KCNQ2: variants seen among roughly 807,000 people sequenced by gnomAD.
The protein encoded by KCNQ2 is potassium voltage-gated channel subfamily KQT member 2.
A neutral mutation model predicts 84.8 loss-of-function variants in KCNQ2; 14 were observed. That is an observed-to-expected ratio of 0.17 (90% confidence interval 0.11 to 0.26). KCNQ2 has a LOEUF of 0.26. KCNQ2 is among the 10% of genes least tolerant of loss of function. The pLI is 1.00. For missense variants in KCNQ2, 788 were observed against 1,254.0 expected, an observed-to-expected ratio of 0.63 and a Z score of 5.61; for synonymous variants, 599 against 554.1, an observed-to-expected ratio of 1.08 and a Z score of -1.14.
At chr20:63,464,776 C>T (rs183163853) in intron 1 of KCNQ2, among the ~76,000 whole-genome samples, 74 of 152,306 alleles carry the variant, frequency 4.9e-4, no homozygotes, top group Admixed American at 2.0e-3. Flanking sequence ...CACATTGATC[C>T]GCATTCAAAC....
At chr20:63,468,380 C>T (rs2082132219) in intron 1 of KCNQ2, among the ~76,000 whole-genome samples, 1 of 152,216 alleles carries the variant, frequency 6.6e-6, no homozygotes, top group African/African-American at 2.4e-5. Flanking sequence ...CCTGCACTCA[C>T]CCCTCAAAGC....
intron 10 of KCNQ2, 109 bp from the exon 11 acceptor site, chr20:63,424,315 G>C (rs1390559451): frequency 7.7e-7 from 1 of 1,303,362 alleles, no homozygotes; most frequent in African/African-American, 1.5e-5. Flanking sequence ...TGCAGGGGAG[G>C]GGGGTCTCAG....
At position 63,460,553 on chromosome 20, in the gene KCNQ2, C is replaced by T. The variant is rs879295256; in HGVS notation, c.296+11615G>A. Reference sequence around the variant, plus strand: ...GCTCCAGTCCCTGGCCCCCTACAAACGTCCTAGTGAGTGCTCTCTCTCGGC... The same window carrying T: ...GCTCCAGTCCCTGGCCCCCTACAAATGTCCTAGTGAGTGCTCTCTCTCGGC... On this transcript the variant is annotated intron_variant, in intron 1 of 16. Coordinates refer to ENST00000359125, the MANE Select transcript of KCNQ2 (RefSeq NM_172107.4). This position sits in a 1 kb window ranked among gnomAD's most constrained non-coding sequence, Gnocchi z 5.4. 3.9e-5 allele frequency among the ~76,000 whole-genome samples: 6 copies of T among 152,104 alleles called. No homozygotes were observed. Among genetic ancestry groups the T allele is most frequent in the Middle Eastern group, 3.4e-3 (1 of 290 alleles).
chr20:63,450,559 T>TTG (rs2081582955), intron 1 of KCNQ2, among the ~76,000 whole-genome samples: 1 of 1,700 alleles, frequency 5.9e-4, no homozygotes, highest in African/African-American at 2.9e-3. Flanking sequence ...CTGCTGGGGG[T>TTG]GGGGGAAGAC....
At position 63,425,905 on chromosome 20, in the gene KCNQ2, C is replaced by G. The variant is rs375682094; in HGVS notation, c.1218-1699G>C. ...TCTGCTTAAAGTATCAACAGCAGGA[C>G]AGCTCTTCCCACTCAAAAAGGGAGA... On this transcript the variant is annotated intron_variant, in intron 10 of 16. Coordinates refer to ENST00000359125, the MANE Select transcript of KCNQ2 (RefSeq NM_172107.4). The surrounding 1 kb of genome is among the most constrained non-coding windows in gnomAD (Gnocchi z 5.5). Among the ~76,000 whole-genome samples the G allele has an allele frequency of 1.3e-5, 2 of 152,324 alleles. No homozygotes were observed. Among genetic ancestry groups the G allele is most frequent in the East Asian group, 3.9e-4 (2 of 5,188 alleles).
chr20:63,422,971 G>A (rs879361617), intron 11 of KCNQ2, among the ~76,000 whole-genome samples: 16 of 152,162 alleles, frequency 1.1e-4, no homozygotes, highest in Non-Finnish European at 2.1e-4. Context: ...ATTGTGGGGG[G>A]CACAGTGCTC....
chr20:63,451,582 C>A (rs947252354), intron 1 of KCNQ2, among the ~76,000 whole-genome samples: 2 of 152,220 alleles, frequency 1.3e-5, no homozygotes, highest in Admixed American at 1.3e-4. Context: ...TCAAGCCCAT[C>A]CTGTGTGCAA....
At chr20:63,443,091 C>T in intron 4 of KCNQ2, among the ~76,000 whole-genome samples, 1 of 23,848 alleles carries the variant, frequency 4.2e-5, no homozygotes, top group Non-Finnish European at 8.6e-5. Flanking sequence ...CCACCATTAT[C>T]ACCACCATCA....
chr20:63,464,866 GC>G (rs1366572920), intron 1 of KCNQ2, among the ~76,000 whole-genome samples: 1 of 152,154 alleles, frequency 6.6e-6, no homozygotes, highest in African/African-American at 2.4e-5. Context: ...CTTGGCAGGG[GC>G]GTCTCCCCCA....
Position 63,402,246 on chromosome 20 carries a change from C to A in KCNQ2, c.*4398G>T, listed in dbSNP as rs1183879437. The A allele has an allele frequency of 1.1e-5, 2 of 188,252 alleles. No homozygotes were observed. Among genetic ancestry groups the A allele is most frequent in the African/African-American group, 2.4e-5 (1 of 41,630 alleles). 11.7% of individuals were successfully genotyped at this position (188,252 alleles called of 1,614,324 possible). A position where few individuals can be genotyped will look rare whatever the true frequency, so the allele number is the denominator to read the frequency against. On this transcript the variant is annotated 3_prime_UTR_variant, in exon 17 of 17. Transcript: ENST00000359125. ...CCTCTCACGCCACGTCTGCCGGGCA[C>A]CCTCCACGGCAGGTCCGAGCTTTGT...
intron 1 of KCNQ2, among the ~76,000 whole-genome samples, chr20:63,467,277 C>T (rs1291710790): frequency 6.6e-6 from 1 of 152,180 alleles, no homozygotes; most frequent in Admixed American, 6.5e-5. Flanking sequence ...CCAGACTTGC[C>T]CATTTTCCTA....
At chr20:63,432,865 G>A (rs1489253286) in intron 8 of KCNQ2, among the ~76,000 whole-genome samples, 1 of 151,930 alleles carries the variant, frequency 6.6e-6, no homozygotes, top group Non-Finnish European at 1.5e-5. Flanking sequence ...TCCACCCTCA[G>A]GGAAGGCTCC....
chr20:63,463,070 TG>T (rs1220328528), intron 1 of KCNQ2, among the ~76,000 whole-genome samples: 2 of 151,918 alleles, frequency 1.3e-5, no homozygotes, highest in East Asian at 3.9e-4. Context: ...TGTGTGTGTG[TG>T]TGTGTGTGTG....
chr20:63,415,061 C>T lies in KCNQ2; in HGVS notation c.1367G>A (p.Gly456Glu), dbSNP rs770523886. Reference protein sequence around the residue: ...SPRGVAAKGKGSPQAQTVRRS... With the variant: ...SPRGVAAKGKESPQAQTVRRS... ...CCTCACAGTCTGGGCCTGCGGGGAC[C>T]CCTTCCCCTTGGCAGCCACGCCTCG... is the stretch of plus-strand genomic sequence containing the variant. The change falls in exon 13 of 17, where the codon GGG becomes GAG. Residue 456 changes from glycine (G) to glutamate (E), a missense_variant. By Grantham distance (98) the Gly-to-Glu change is moderately conservative (BLOSUM62 -2). Coordinates refer to ENST00000359125, the MANE Select transcript of KCNQ2 (RefSeq NM_172107.4). 6 of 1,607,300 alleles carry T rather than the reference C, an allele frequency of 3.7e-6. No homozygotes were observed. The highest frequency in any genetic ancestry group is 5.1e-6 in the Non-Finnish European group (6 of 1,179,904).
Position 63,472,536 on chromosome 20 carries a change from C to G in KCNQ2, c.-73G>C. Reference sequence around the variant, plus strand: ...CGGAGCGCGGGGGGCGGCGCGGGCCCCAGCCCAGGCCCCCCGGCCGGGAGC... The same window carrying G: ...CGGAGCGCGGGGGGCGGCGCGGGCCGCAGCCCAGGCCCCCCGGCCGGGAGC... On this transcript the variant is annotated 5_prime_UTR_variant, in exon 1 of 17. Coordinates refer to ENST00000359125, the MANE Select transcript of KCNQ2 (RefSeq NM_172107.4). 8.2e-7 allele frequency: 1 copy of G among 1,219,952 alleles called. No homozygotes were observed. The highest frequency in any genetic ancestry group is 1.0e-6 in the Non-Finnish European group (1 of 974,290). 75.6% of individuals were successfully genotyped at this position (1,219,952 alleles called of 1,614,324 possible). A position where few individuals can be genotyped will look rare whatever the true frequency, so the allele number is the denominator to read the frequency against.
chr20:63,461,487 T>C (rs1294578411), intron 1 of KCNQ2, among the ~76,000 whole-genome samples: 3 of 152,176 alleles, frequency 2.0e-5, no homozygotes, highest in Admixed American at 2.0e-4. Flanking sequence ...CCTGGGCGGA[T>C]GCCAAACAAG....
At chr20:63,456,328 C>T (rs943316115) in intron 1 of KCNQ2, among the ~76,000 whole-genome samples, 2 of 152,156 alleles carry the variant, frequency 1.3e-5, no homozygotes, top group Non-Finnish European at 2.9e-5. Flanking sequence ...GAAGAGGACT[C>T]GACGCAGGAG....
rs1056263967 is a variant in KCNQ2 at position 63,404,760 on chromosome 20, C to T, written c.*1884G>A. On this transcript the variant is annotated 3_prime_UTR_variant, in exon 17 of 17. Coordinates refer to ENST00000359125, the MANE Select transcript of KCNQ2 (RefSeq NM_172107.4). Reference sequence around the variant, plus strand: ...ACACCAGAAGGGATGCTTCATGCCACCGCAGGGCCCGAGGCCACACACGCT... The same window carrying T: ...ACACCAGAAGGGATGCTTCATGCCATCGCAGGGCCCGAGGCCACACACGCT... 6.6e-6 allele frequency: 1 copy of T among 152,370 alleles called. No homozygotes were observed. The highest frequency in any genetic ancestry group is 1.9e-4 in the East Asian group (1 of 5,212). 9.4% of individuals were successfully genotyped at this position (152,370 alleles called of 1,614,324 possible).
In KCNQ2 at chr20:63,413,422, C is replaced by T. The variant is rs761742939; in HGVS notation, c.1763+28G>A. 9.3e-6 allele frequency: 15 copies of T among 1,612,812 alleles called. 1 individual carries two copies. The South Asian group carries it at 1.6e-4, about 18-fold the overall frequency. On this transcript the variant is annotated intron_variant, in intron 15 of 16. Transcript: ENST00000359125. ...CAGAAGCCCACCCCGTTCTTGTCCCCTGCTGGACAGGCAGGCGGGGCTCTT... is the reference window on the plus strand; with the variant it reads ...CAGAAGCCCACCCCGTTCTTGTCCCTTGCTGGACAGGCAGGCGGGGCTCTT...
Sources: allele counts gnomAD v4.1 joint callset (sites outside exome capture counted in the v4.1 genomes callset), GRCh38; gene constraint gnomAD v4.1.1; non-coding constraint Gnocchi (gnomAD v3.1); transcripts MANE v1.5; gene names NCBI Gene and HGNC (gene_info 2026-07-23, HGNC 2026-07-21).